The following CDKN1A variants were observed in gnomAD, a reference collection of about 807,000 sequenced individuals.
CDKN1A encodes cyclin dependent kinase inhibitor 1A.
A neutral mutation model predicts 14.8 loss-of-function variants in CDKN1A; 14 were observed. The ratio of observed to expected loss-of-function variants is 0.94; its 90% CI spans 0.62 to 1.48. The LOEUF is 1.48. Ranked by LOEUF, CDKN1A falls within the 40% of genes most tolerant of loss-of-function variation. The probability of loss-of-function intolerance (pLI) is 0.00; values close to 1 mark genes in which losing one functional copy is unlikely to be tolerated. For synonymous variants in CDKN1A, 92 were observed against 93.5 expected (o/e 0.98, Z 0.09); for missense variants, 203 against 231.7 (o/e 0.88, Z 0.80).
rs748842488 is a variant in CDKN1A, at chr6:36,684,252, T to C, written c.151T>C (p.Phe51Leu). 6 of 1,612,376 alleles carry C rather than the reference T, an allele frequency of 3.7e-6. No homozygotes were observed. The highest frequency in any genetic ancestry group is 5.1e-6 in the Non-Finnish European group (6 of 1,179,920). ...CIQEARERWNFDFVTETPLEG... is the reference protein window; with the variant it reads ...CIQEARERWNLDFVTETPLEG... ...CCAGGAGGCCCGTGAGCGATGGAAC[T>C]TCGACTTTGTCACCGAGACACCACT... The change falls in exon 2 of 3, where the codon TTC becomes CTC. Residue 51 changes from phenylalanine (F) to leucine (L), a missense_variant. By Grantham distance (22) the Phe-to-Leu change is conservative. Coordinates refer to ENST00000244741, the MANE Select transcript of CDKN1A (RefSeq NM_000389.5). This position sits in a 1 kb window ranked among gnomAD's most constrained non-coding sequence, Gnocchi z 6.0.
At chr6:36,677,506 A>G (rs1761734062), upstream of CDKN1A, 1 of 205,102 alleles carries the variant, frequency 4.9e-6, no homozygotes, top group African/African-American at 2.3e-5. Context: ...AGGCACAGAA[A>G]GGAGGCAAAG....
In CDKN1A at chr6:36,685,956, C is replaced by A; in HGVS notation, c.*156C>A. 3 of 729,820 alleles carry A rather than the reference C, an allele frequency of 4.1e-6. No homozygotes were observed. The highest frequency in any genetic ancestry group is 7.2e-6 in the Non-Finnish European group (3 of 416,808). 45.2% of individuals were successfully genotyped at this position (729,820 alleles called of 1,614,324 possible). A position where few individuals can be genotyped will look rare whatever the true frequency, so the allele number is the denominator to read the frequency against. Reference sequence around the variant, plus strand: ...CATACCCTGGCCGCCCCCTGCCCCCCAGCCTCTGGCATTAGAATTATTTAA... The same window carrying A: ...CATACCCTGGCCGCCCCCTGCCCCCAAGCCTCTGGCATTAGAATTATTTAA... On this transcript the variant is annotated 3_prime_UTR_variant, in exon 3 of 3. Transcript: ENST00000244741.
rs1762238596 is a variant in CDKN1A, at chr6:36,687,176, C to G, written c.*1376C>G. On this transcript the variant is annotated 3_prime_UTR_variant, in exon 3 of 3. Coordinates refer to ENST00000244741, the MANE Select transcript of CDKN1A (RefSeq NM_000389.5). Reference sequence around the variant, plus strand: ...AACATACTGGCCTGGACTGTTTTCTCTCGGCTCCCCATGTGTCCTGGTTCC... The same window carrying G: ...AACATACTGGCCTGGACTGTTTTCTGTCGGCTCCCCATGTGTCCTGGTTCC... The G allele has an allele frequency of 4.3e-6, 1 of 233,282 alleles. No individual in the cohort carries two copies. The highest frequency in any genetic ancestry group is 5.6e-5 in the Admixed American group (1 of 17,768). 14.5% of individuals were successfully genotyped at this position (233,282 alleles called of 1,614,324 possible).
At position 36,681,264 on chromosome 6, in the gene CDKN1A, TTTTCTTTCTTTCTTTTTTTCTTTCTTTC is replaced by T. The variant is rs1477378288; in HGVS notation, c.-6+2482_-6+2509del. Among the ~76,000 whole-genome samples, 14 of 81,794 alleles carry T rather than the reference TTTTCTTTCTTTCTTTTTTTCTTTCTTTC, an allele frequency of 1.7e-4. 1 individual carries two copies. The highest frequency in any genetic ancestry group is 4.6e-4 in the African/African-American group (10 of 21,962). 53.7% of individuals were successfully genotyped at this position (81,794 alleles called of 152,430 possible). Reference sequence around the variant, plus strand: ...TATTTTGAAAAAACTCCCTAGGTGCTTTTCTTTCTTTCTTTTTTTCTTTCTTTCTTTCTTTCTTTCTTTCTTTCTTTCT... The same window carrying T: ...TATTTTGAAAAAACTCCCTAGGTGCTTTTCTTTCTTTCTTTCTTTCTTTCT... On this transcript the variant is annotated intron_variant, in intron 1 of 2. Transcript: ENST00000244741.
Position 36,686,100 on chromosome 6 carries a change from G to A in CDKN1A, c.*300G>A. On this transcript the variant is annotated 3_prime_UTR_variant, in exon 3 of 3. Transcript: ENST00000244741. This position sits in a 1 kb window ranked among gnomAD's most constrained non-coding sequence, Gnocchi z 4.9. ...CCTTTTCCTCTCTCCCGGAGGTTGG[G>A]TGGGCCGGCTTCATGCCAGCTACTT... 1 of 490,688 alleles carries A rather than the reference G, an allele frequency of 2.0e-6. No individual in the cohort carries two copies. Among genetic ancestry groups the A allele is most frequent in the South Asian group, 2.2e-5 (1 of 45,750 alleles). The allele number at this position is 490,688 out of a possible 1,614,324, so 30.4% of individuals were successfully genotyped here. A position where few individuals can be genotyped will look rare whatever the true frequency, so the allele number is the denominator to read the frequency against.
intron 1 of CDKN1A, among the ~76,000 whole-genome samples, chr6:36,681,366 TTTC>T (rs1761978153): frequency 3.7e-5 from 2 of 54,082 alleles, no homozygotes; most frequent in African/African-American, 1.7e-4. Flanking sequence ...CTTTCTTTTC[TTTC>T]TTTCTTTCTT....
At chr6:36,676,888 C>A (rs1015918547), upstream of CDKN1A, among the ~76,000 whole-genome samples, 5 of 151,938 alleles carry the variant, frequency 3.3e-5, no homozygotes, top group African/African-American at 1.2e-4. Context: ...AAAATTCTTT[C>A]CCAAAAACAA....
upstream of CDKN1A, chr6:36,678,527 G>A: frequency 3.1e-6 from 1 of 324,834 alleles, no homozygotes; most frequent in South Asian, 1.2e-4. The surrounding 1 kb of genome is among the most constrained non-coding windows in gnomAD (Gnocchi z 5.7). Flanking sequence ...AGCACGCGAG[G>A]TTCCGGGACC....
upstream of CDKN1A, among the ~76,000 whole-genome samples, chr6:36,676,936 A>T (rs543705608): frequency 6.6e-6 from 1 of 152,352 alleles, no homozygotes; most frequent in East Asian, 1.9e-4. Flanking sequence ...GCTCAGTACC[A>T]CAAAAATTTA....
chr6:36,680,307 C>T (rs1336989991), intron 1 of CDKN1A, among the ~76,000 whole-genome samples: 2 of 133,188 alleles, frequency 1.5e-5, no homozygotes, highest in African/African-American at 2.9e-5. Flanking sequence ...TCTGCGCGGG[C>T]GTGTGTGTGT....
Position 36,684,326 on chromosome 6 carries a change from G to T in CDKN1A, c.225G>T (p.Lys75Asn). The change falls in exon 2 of 3, where the codon AAG becomes AAT. Residue 75 changes from lysine (K) to asparagine (N), a missense_variant. Transcript: ENST00000244741. This position sits in a 1 kb window ranked among gnomAD's most constrained non-coding sequence, Gnocchi z 6.0. ...GTGTGCGGGGCCTTGGCCTGCCCAAGCTCTACCTTCCCACGGGGCCCCGGC... is the reference window on the plus strand; with the variant it reads ...GTGTGCGGGGCCTTGGCCTGCCCAATCTCTACCTTCCCACGGGGCCCCGGC... ...WERVRGLGLP[K>N]LYLPTGPRRG... 2 of 1,613,572 alleles carry T rather than the reference G, an allele frequency of 1.2e-6. No homozygotes were observed. Among genetic ancestry groups the T allele is most frequent in the Non-Finnish European group, 1.7e-6 (2 of 1,180,024 alleles).
chr6:36,685,147 A>T (rs995535601), intron 2 of CDKN1A, among the ~76,000 whole-genome samples: 4 of 152,188 alleles, frequency 2.6e-5, no homozygotes, highest in African/African-American at 9.7e-5. Flanking sequence ...GCCCCTTGCC[A>T]TCCTTTTAGG....
intron 1 of CDKN1A, among the ~76,000 whole-genome samples, chr6:36,682,247 T>C (rs998282429): frequency 6.6e-6 from 1 of 152,222 alleles, no homozygotes; most frequent in Non-Finnish European, 1.5e-5. Context: ...AGGGAGCTAA[T>C]AGATATCCAC....
intron 2 of CDKN1A, among the ~76,000 whole-genome samples, chr6:36,685,001 G>A (rs3176355): frequency 8.0e-4 from 122 of 152,170 alleles, no homozygotes; most frequent in Admixed American, 6.3e-3. Context: ...CACTACGCCC[G>A]GTTAATTTTT....
In CDKN1A at chr6:36,685,739, G is replaced by C. The variant is rs771172537; in HGVS notation, c.446-12G>C. ...CTTCTTGGCCTGGCTGACTTCTGCTGTCTCTCCTCAGATTTCTACCACTCC... is the reference window on the plus strand; with the variant it reads ...CTTCTTGGCCTGGCTGACTTCTGCTCTCTCTCCTCAGATTTCTACCACTCC... On this transcript the variant is annotated splice_polypyrimidine_tract_variant and intron_variant, in intron 2 of 2. Coordinates refer to ENST00000244741, the MANE Select transcript of CDKN1A (RefSeq NM_000389.5). 10 of 1,614,052 alleles carry C rather than the reference G, an allele frequency of 6.2e-6. No individual in the cohort carries two copies. Among genetic ancestry groups the C allele is most frequent in the Non-Finnish European group, 8.5e-6 (10 of 1,179,962 alleles).
chr6:36,684,624 G>A lies in CDKN1A; in HGVS notation c.445+78G>A, dbSNP rs766176058. The A allele has an allele frequency of 2.1e-6, 3 of 1,406,340 alleles. No homozygotes were observed. The highest frequency in any genetic ancestry group is 1.7e-4 in the Middle Eastern group (1 of 5,752). 87.1% of individuals were successfully genotyped at this position (1,406,340 alleles called of 1,614,324 possible). ...CATGGTCCAAGGGCTGACCTGTCTG[G>A]TCCTGGTCCAGCATGCTCCAGGTAG... On this transcript the variant is annotated intron_variant, in intron 2 of 2. Coordinates refer to ENST00000244741, the MANE Select transcript of CDKN1A (RefSeq NM_000389.5). The surrounding 1 kb of genome is among the most constrained non-coding windows in gnomAD (Gnocchi z 6.0).
chr6:36,683,986 G>A, intron 1 of CDKN1A, 111 bp from the exon 2 acceptor site: 2 of 1,041,142 alleles, frequency 1.9e-6, no homozygotes, highest in South Asian at 1.4e-5. Context: ...AGGAGTGAGA[G>A]AGACCCTCTG....
rs376661908 is a variant in CDKN1A, at chr6:36,684,810, CAT to C, written c.445+266_445+267del. 5.1e-4 allele frequency among the ~76,000 whole-genome samples: 77 copies of C among 152,302 alleles called. 1 individual carries two copies. The South Asian group carries it at 0.012, about 25-fold the overall frequency. ...TTTAGTCCTTATAGCAATGTTATAACATAAGACATTCTTGTCACCCTGCCCGC... is the reference window on the plus strand; with the variant it reads ...TTTAGTCCTTATAGCAATGTTATAACAAGACATTCTTGTCACCCTGCCCGC... On this transcript the variant is annotated intron_variant, in intron 2 of 2. Transcript: ENST00000244741. This position sits in a 1 kb window ranked among gnomAD's most constrained non-coding sequence, Gnocchi z 6.0.
intron 1 of CDKN1A, among the ~76,000 whole-genome samples, chr6:36,681,195 A>G (rs1183935318): frequency 4.6e-5 from 7 of 152,044 alleles, no homozygotes; most frequent in Non-Finnish European, 8.8e-5. Context: ...TGAATCTTCA[A>G]TCTGGATTAA....
Sources: gnomAD v4.1 joint callset for allele counts (sites outside exome capture counted in the v4.1 genomes callset) on GRCh38, gnomAD v4.1.1 for gene constraint, Gnocchi (gnomAD v3.1) non-coding constraint, MANE v1.5 for transcripts, NCBI Gene and HGNC (gene_info 2026-07-23, HGNC 2026-07-21) for gene names.